Variants in SCN9A observed in about 807,000 individuals in gnomAD.
SCN9A encodes the protein sodium channel protein type 9 subunit alpha.
In SCN9A, 131 loss-of-function variants were observed where a neutral mutation model predicts 187.0. That is an observed-to-expected ratio of 0.70 (90% confidence interval 0.61 to 0.81). The LOEUF is 0.81. Among genes scored for constraint, SCN9A ranks in the 30% least tolerant of loss-of-function variants. The pLI, the probability that SCN9A is intolerant of heterozygous loss-of-function variation, is 0.00. For missense variants in SCN9A, 2,252 were observed against 2,396.6 expected, an observed-to-expected ratio of 0.94 and a Z score of 1.26; for synonymous variants, 809 against 808.6, an observed-to-expected ratio of 1.00 and a Z score of -0.01.
intron 17 of SCN9A, among the ~76,000 whole-genome samples, chr2:166,253,306 A>G (rs1408134278): frequency 6.6e-6 from 1 of 151,824 alleles, no homozygotes; most frequent in Non-Finnish European, 1.5e-5. Flanking sequence ...CCTCCAATCT[A>G]TGTTGGCCTA....
chr2:166,302,325 A>G (rs1698591198), intron 7 of SCN9A: 1 of 152,238 alleles, frequency 6.6e-6, no homozygotes, highest in African/African-American at 2.4e-5. Flanking sequence ...TTTAGAGAAC[A>G]TTCAATTCAT....
chr2:166,277,325 C>T lies in SCN9A; in HGVS notation c.2532G>A (p.Lys844=). The stretch of plus-strand genomic sequence containing the variant: ...TCAATGTTGGCCAGGATTTTGCCAA[C>T]TTGAAGACTCGGAGCTAAAAGCAAA... ...LRSFRLLRVF[K]LAKSWPTLNM... is the part of the protein sequence containing the mutation. The change falls in exon 16 of 27, where the codon AAG becomes AAA. Residue 844 remains lysine (K), a synonymous_variant. Coordinates refer to ENST00000642356, the MANE Select transcript of SCN9A (RefSeq NM_001365536.1). The T allele has an allele frequency of 6.2e-7, 1 of 1,606,536 alleles. No individual in the cohort carries two copies. Among genetic ancestry groups the T allele is most frequent in the Admixed American group, 1.7e-5 (1 of 59,602 alleles).
At chr2:166,236,629 G>C (rs1399306053) in intron 20 of SCN9A, among the ~76,000 whole-genome samples, 1 of 151,972 alleles carries the variant, frequency 6.6e-6, no homozygotes, top group Non-Finnish European at 1.5e-5. Context: ...CACCATGTTG[G>C]CCAGGCTGGT....
rs1391582652 is a variant in SCN9A at position 166,338,475 on chromosome 2, TTTTA to T, written c.-50-26673_-50-26670del. Among the ~76,000 whole-genome samples the T allele has an allele frequency of 9.9e-5, 15 of 152,096 alleles. No individual in the cohort carries two copies. In the East Asian group the frequency reaches 1.7e-3, roughly 18 times the overall value. ...TGTTGGCTTCTCCTCTCTCCATAACTTTTATTTGTTTTTTAAATTTTTTATTGTG... is the reference window on the plus strand; with the variant it reads ...TGTTGGCTTCTCCTCTCTCCATAACTTTTGTTTTTTAAATTTTTTATTGTG... On this transcript the variant is annotated intron_variant, in intron 1 of 26. Transcript: ENST00000642356.
chr2:166,206,342 G>T (rs545170961), intron 24 of SCN9A, among the ~76,000 whole-genome samples: 1 of 152,202 alleles, frequency 6.6e-6, no homozygotes, highest in African/African-American at 2.4e-5. Context: ...CCATAAAAAA[G>T]GATGAGTTCA....
At chr2:166,305,163 C>T (rs530215503) in intron 5 of SCN9A, among the ~76,000 whole-genome samples, 128 of 151,574 alleles carry the variant, frequency 8.4e-4, no homozygotes, top group Non-Finnish European at 1.7e-3. Context: ...AAGTCATTAA[C>T]GGAAAATAGA....
chr2:166,235,531 C>T (rs1272031097), intron 20 of SCN9A, among the ~76,000 whole-genome samples: 1 of 152,208 alleles, frequency 6.6e-6, no homozygotes, highest in East Asian at 1.9e-4. Flanking sequence ...TTGCCACATC[C>T]AACCCCAGAG....
intron 24 of SCN9A, among the ~76,000 whole-genome samples, chr2:166,219,573 G>T (rs1179645107): frequency 3.3e-5 from 5 of 152,192 alleles, no homozygotes; most frequent in Non-Finnish European, 5.9e-5. Context: ...CTATGGGAGG[G>T]TGAAGGGTGG....
At chr2:166,249,334 TG>T (rs1229498268) in intron 18 of SCN9A, 2 of 152,144 alleles carry the variant, frequency 1.3e-5, no homozygotes. Flanking sequence ...GGTATTGTTT[TG>T]TTCACAGCTC....
chr2:166,304,051 T>C, intron 6 of SCN9A, 187 bp downstream of exon 6: 1 of 1,613,380 alleles, frequency 6.2e-7, no homozygotes, highest in Non-Finnish European at 8.5e-7. Flanking sequence ...TGAAATTGTT[T>C]TCAATGCTCG....
chr2:166,218,301 C>T (rs951265594), intron 24 of SCN9A, among the ~76,000 whole-genome samples: 2 of 150,654 alleles, frequency 1.3e-5, no homozygotes, highest in African/African-American at 4.9e-5. Context: ...AGGAGATATA[C>T]CTAATGTAAA....
In SCN9A at chr2:166,334,765, A is replaced by G. The variant is rs1228023508; in HGVS notation, c.-50-22959T>C. ...ACGGCAGTAGATTTTGTCCTATAGC[A>G]CTAGAAAATTTACTTACAATTTTGC... On this transcript the variant is annotated intron_variant, in intron 1 of 26. Coordinates refer to ENST00000642356, the MANE Select transcript of SCN9A (RefSeq NM_001365536.1). Among the ~76,000 whole-genome samples, 3 of 152,288 alleles carry G rather than the reference A, an allele frequency of 2.0e-5. No homozygotes were observed. The East Asian group carries it at 5.8e-4, about 29-fold the overall frequency.
At position 166,195,258 on chromosome 2, in the gene SCN9A, A is replaced by G. The variant is rs1436552634; in HGVS notation, c.*3414T>C. 1 of 152,228 alleles carries G rather than the reference A, an allele frequency of 6.6e-6. No homozygotes were observed. Among genetic ancestry groups the G allele is most frequent in the Non-Finnish European group, 1.5e-5 (1 of 68,032 alleles). 9.4% of individuals were successfully genotyped at this position (152,228 alleles called of 1,614,324 possible). Reference sequence around the variant, plus strand: ...TCTCAAGTATAACTACAATATAACTACAATATAATTTATGGCAAACTCAAA... The same window carrying G: ...TCTCAAGTATAACTACAATATAACTGCAATATAATTTATGGCAAACTCAAA... On this transcript the variant is annotated 3_prime_UTR_variant, in exon 27 of 27. Coordinates refer to ENST00000642356, the MANE Select transcript of SCN9A (RefSeq NM_001365536.1).
intron 26 of SCN9A, among the ~76,000 whole-genome samples, chr2:166,201,471 G>A (rs59101602): frequency 3.2e-5 from 4 of 123,246 alleles, no homozygotes; most frequent in African/African-American, 1.2e-4. Flanking sequence ...ATATAGTATA[G>A]AGTATGCGTA....
chr2:166,261,821 C>A lies in SCN9A; in HGVS notation c.3352-9936G>T, dbSNP rs376111485. Among the ~76,000 whole-genome samples, 15 of 151,950 alleles carry A rather than the reference C, an allele frequency of 9.9e-5. No individual in the cohort carries two copies. In the East Asian group the frequency reaches 1.2e-3, roughly 12 times the overall value. ...GTGTGGCAGTAAGTGTACTCCCTAG[C>A]CCCTAATATAGCCTTAATGTGAAAG... On this transcript the variant is annotated intron_variant, in intron 17 of 26. Transcript: ENST00000642356.
chr2:166,242,332 G>C lies in SCN9A; in HGVS notation c.3627+170C>G, dbSNP rs1695602366. ...GGGCAGCAAGGATAATGCCTGGCATGTAGGAGTGCTCAGTAACTATTTACT... is the reference window on the plus strand; with the variant it reads ...GGGCAGCAAGGATAATGCCTGGCATCTAGGAGTGCTCAGTAACTATTTACT... On this transcript the variant is annotated intron_variant, in intron 19 of 26. Transcript: ENST00000642356. 2.0e-5 allele frequency among the ~76,000 whole-genome samples: 3 copies of C among 152,082 alleles called. No homozygotes were observed. The South Asian group carries it at 6.2e-4, about 32-fold the overall frequency.
intron 1 of SCN9A, among the ~76,000 whole-genome samples, chr2:166,331,057 A>T (rs749000031): frequency 6.6e-6 from 1 of 152,210 alleles, no homozygotes; most frequent in Admixed American, 6.5e-5. Context: ...ATAAAAGTGA[A>T]TGTTTATTAA....
chr2:166,229,088 A>C, intron 21 of SCN9A, 116 bp from the exon 22 acceptor site: 1 of 803,046 alleles, frequency 1.2e-6, no homozygotes, highest in Non-Finnish European at 1.9e-6. Flanking sequence ...TAAATATCTA[A>C]GACATCAAAC....
At chr2:166,287,380 T>C (rs1319168914) in intron 10 of SCN9A, among the ~76,000 whole-genome samples, 1 of 151,338 alleles carries the variant, frequency 6.6e-6, no homozygotes, top group Non-Finnish European at 1.5e-5. Context: ...TTTTTCCTCA[T>C]GATAAAATAA....
Sources: allele counts gnomAD v4.1 joint callset (sites outside exome capture counted in the v4.1 genomes callset), GRCh38; gene constraint gnomAD v4.1.1; transcripts MANE v1.5; gene names NCBI Gene and HGNC (gene_info 2026-07-23, HGNC 2026-07-21).